The following MAST2 variants were observed in gnomAD, a reference collection of about 807,000 sequenced individuals.
MAST2 encodes the protein microtubule associated serine/threonine kinase 2.
Under a neutral mutation model 147.4 loss-of-function variants are expected in MAST2, and 70 were observed. The ratio of observed to expected loss-of-function variants is 0.47; its 90% CI spans 0.39 to 0.58. The LOEUF is 0.58. MAST2 is among the 20% of genes least tolerant of loss of function. The probability of loss-of-function intolerance (pLI) is 0.00; values close to 1 mark genes in which losing one functional copy is unlikely to be tolerated. For synonymous variants in MAST2, 869 were observed against 896.8 expected, an observed-to-expected ratio of 0.97 and a Z score of 0.55; for missense variants, 2,080 against 2,302.3, an observed-to-expected ratio of 0.90 and a Z score of 1.98.
intron 4 of MAST2, among the ~76,000 whole-genome samples, chr1:45,946,910 T>C (rs1190848185): frequency 6.6e-6 from 1 of 152,142 alleles, no homozygotes; most frequent in Non-Finnish European, 1.5e-5. Flanking sequence ...TTTGCACCAG[T>C]CCCTAGGGTA....
intron 11 of MAST2, among the ~76,000 whole-genome samples, chr1:46,020,361 G>A (rs966797928): frequency 6.6e-6 from 1 of 152,098 alleles, no homozygotes; most frequent in African/African-American, 2.4e-5. Flanking sequence ...GGGGCACAGG[G>A]TGGGTTTGAA....
chr1:45,821,991 C>T (rs1316770441), intron 1 of MAST2, among the ~76,000 whole-genome samples: 7 of 146,954 alleles, frequency 4.8e-5, no homozygotes, highest in Admixed American at 2.8e-4. Context: ...CAGGTTCACG[C>T]GATTCCTGTG....
intron 4 of MAST2, among the ~76,000 whole-genome samples, chr1:45,927,313 C>A (rs184394348): frequency 1.4e-4 from 21 of 152,234 alleles, no homozygotes; most frequent in Non-Finnish European, 2.6e-4. Flanking sequence ...TGAGATCAAC[C>A]GGTCTGACCA....
chr1:45,934,132 C>T (rs1414626600), intron 4 of MAST2, among the ~76,000 whole-genome samples: 1 of 152,082 alleles, frequency 6.6e-6, no homozygotes, highest in African/African-American at 2.4e-5. Flanking sequence ...CATGTATATT[C>T]AGTGTTTAGC....
rs1162387053 is a variant in MAST2 at position 46,025,723 on chromosome 1, G to A, written c.1827G>A (p.Val609=). Residue 609 remains valine (V), a synonymous_variant, in exon 16 of 29, where the codon GTG becomes GTA. Transcript: ENST00000361297. ...TGAAGAATATTGGGGCCCTGCCTGT[G>A]GACATGGTGCGTCTATACTTTGCGG... ...TLLKNIGALP[V]DMVRLYFAET... 1 of 1,614,200 alleles carries A rather than the reference G, an allele frequency of 6.2e-7. No individual in the cohort carries two copies. The highest frequency in any genetic ancestry group is 1.7e-4 in the Middle Eastern group (1 of 6,060).
Position 46,034,555 on chromosome 1 carries a change from CAG to C in MAST2, c.3889_3890del (p.Ser1297GlnfsTer112). ...AVHSVGGNSS[Q>X]SSSPSSSVPS... ...GTACAAAGTGGGAGGGAATTCATCA[CAG>C]AGCAGCTCCCCCAGCTCCAGCGTGC... On this transcript the variant is annotated frameshift_variant, in exon 29 of 29. Transcript: ENST00000361297. LOFTEE classifies it low-confidence loss of function (END_TRUNC). The C allele has an allele frequency of 1.9e-6, 3 of 1,613,340 alleles. No homozygotes were observed. The highest frequency in any genetic ancestry group is 2.5e-6 in the Non-Finnish European group (3 of 1,179,688).
intron 1 of MAST2, among the ~76,000 whole-genome samples, chr1:45,815,726 G>T (rs933459686): frequency 3.9e-5 from 6 of 152,192 alleles, no homozygotes; most frequent in South Asian, 2.1e-4. Flanking sequence ...AGGACCCCTT[G>T]ATTGAGGTGC....
At chr1:45,811,430 C>G (rs1029741031) in intron 1 of MAST2, among the ~76,000 whole-genome samples, 3 of 150,984 alleles carry the variant, frequency 2.0e-5, no homozygotes, top group African/African-American at 7.3e-5. Flanking sequence ...GCTCCGCCTC[C>G]CGGGTTCGCG....
At chr1:45,847,988 G>C (rs1645497649) in intron 3 of MAST2, among the ~76,000 whole-genome samples, 2 of 152,194 alleles carry the variant, frequency 1.3e-5, no homozygotes, top group African/African-American at 2.4e-5. Flanking sequence ...AGTTGCAATA[G>C]AGAACTAATA....
chr1:45,890,562 C>T (rs1456728876), intron 4 of MAST2, among the ~76,000 whole-genome samples: 2 of 152,132 alleles, frequency 1.3e-5, no homozygotes, highest in South Asian at 2.1e-4. Flanking sequence ...GCCCAACAGT[C>T]CTATAGGATT....
intron 4 of MAST2, among the ~76,000 whole-genome samples, chr1:45,944,577 A>G (rs773135328): frequency 2.0e-5 from 3 of 152,148 alleles, no homozygotes; most frequent in Admixed American, 2.0e-4. Context: ...CAAATTTTCT[A>G]TCAGAGCTCC....
intron 4 of MAST2, among the ~76,000 whole-genome samples, chr1:45,907,962 T>G (rs538683926): frequency 1.0e-3 from 154 of 152,300 alleles, no homozygotes; most frequent in Middle Eastern, 6.8e-3. Flanking sequence ...TGCTATTCTC[T>G]TATTATTCTT....
chr1:45,860,175 T>G (rs889015811), intron 3 of MAST2, among the ~76,000 whole-genome samples: 6 of 149,828 alleles, frequency 4.0e-5, no homozygotes, highest in Non-Finnish European at 5.9e-5. Flanking sequence ...GTGGCCAACA[T>G]GGTAAACCCC....
At chr1:45,989,684 G>T (rs944645332) in intron 5 of MAST2, among the ~76,000 whole-genome samples, 1 of 151,980 alleles carries the variant, frequency 6.6e-6, no homozygotes, top group Non-Finnish European at 1.5e-5. Context: ...TGCCACTACA[G>T]TATCATACAG....
intron 3 of MAST2, among the ~76,000 whole-genome samples, chr1:45,838,640 A>C (rs1460248513): frequency 1.3e-5 from 2 of 152,192 alleles, no homozygotes; most frequent in Non-Finnish European, 2.9e-5. Flanking sequence ...TTCTGAATAC[A>C]AGTTATATAT....
chr1:46,028,753 C>T lies in MAST2; in HGVS notation c.2053-15C>T, dbSNP rs376878000. The T allele has an allele frequency of 6.8e-6, 11 of 1,613,844 alleles. No individual in the cohort carries two copies. The Admixed American group carries it at 8.3e-5, about 12-fold the overall frequency. On this transcript the variant is annotated splice_polypyrimidine_tract_variant and intron_variant, in intron 17 of 28. Coordinates refer to ENST00000361297, the MANE Select transcript of MAST2 (RefSeq NM_015112.3). ...GCCTCAGGAGGCTGAGCCAGCCTGG[C>T]TTTTCTGTGCCCAGGTATGCGGGAC...
At chr1:46,022,525 C>T (rs1281108884) in intron 12 of MAST2, among the ~76,000 whole-genome samples, 2 of 152,182 alleles carry the variant, frequency 1.3e-5, no homozygotes, top group African/African-American at 4.8e-5. Context: ...CATGGGCTTC[C>T]AAGTCCCTGG....
Position 46,035,802 on chromosome 1 carries a change from C to T in MAST2, c.5133C>T (p.Pro1711=), listed in dbSNP as rs751244142. 1 of 1,614,122 alleles carries T rather than the reference C, an allele frequency of 6.2e-7. No individual in the cohort carries two copies. Among genetic ancestry groups the T allele is most frequent in the South Asian group, 1.1e-5 (1 of 91,076 alleles). ...EQGKTQPPSA[P]RLAHPSYEDP... is the part of the protein sequence containing the mutation. The stretch of plus-strand genomic sequence containing the variant: ...GGAAGACACAGCCACCTAGTGCCCC[C>T]AGACTGGCCCATCCATCTTATGAGG... The change falls in exon 29 of 29, where the codon CCC becomes CCT. Residue 1711 remains proline (P), a synonymous_variant. Coordinates refer to ENST00000361297, the MANE Select transcript of MAST2 (RefSeq NM_015112.3). This position sits in a 1 kb window ranked among gnomAD's most constrained non-coding sequence, Gnocchi z 5.5.
intron 3 of MAST2, among the ~76,000 whole-genome samples, chr1:45,834,586 G>A (rs909006350): frequency 8.5e-5 from 13 of 152,192 alleles, no homozygotes; most frequent in East Asian, 1.9e-4. Flanking sequence ...CTTAGATAGC[G>A]TCTTGTTCAA....
Sources: allele counts gnomAD v4.1 joint callset (sites outside exome capture counted in the v4.1 genomes callset), GRCh38; gene constraint gnomAD v4.1.1; non-coding constraint Gnocchi (gnomAD v3.1); transcripts MANE v1.5; gene names NCBI Gene and HGNC (gene_info 2026-07-23, HGNC 2026-07-21).